Variants in COL13A1 observed in about 807,000 individuals in gnomAD.
COL13A1 encodes the protein collagen type XIII alpha 1 chain.
COL13A1 carries 89 observed loss-of-function variants against 130.9 expected under a neutral mutation model. That is an observed-to-expected ratio of 0.68 (90% confidence interval 0.57 to 0.81). The LOEUF is 0.81. COL13A1 is among the 30% of genes least tolerant of loss of function. COL13A1 has a pLI of 0.00. For synonymous variants in COL13A1, 402 were observed against 341.6 expected (o/e 1.18, Z -1.95); for missense variants, 879 against 934.6 (o/e 0.94, Z 0.78).
intron 3 of COL13A1, among the ~76,000 whole-genome samples, chr10:69,871,546 G>A (rs543518824): frequency 6.6e-6 from 1 of 152,158 alleles, no homozygotes; most frequent in African/African-American, 2.4e-5. Flanking sequence ...AGGAACAAAC[G>A]TTAGAAGGGT....
At chr10:69,938,118 C>T (rs915452811) in intron 34 of COL13A1, among the ~76,000 whole-genome samples, 18 of 152,226 alleles carry the variant, frequency 1.2e-4, no homozygotes, top group African/African-American at 4.1e-4. Context: ...CCCAAGAGAA[C>T]TCTTGCTCCC....
At chr10:69,911,913 ACCCCTCC>A (rs1193725114) in intron 17 of COL13A1, among the ~76,000 whole-genome samples, 18 of 152,228 alleles carry the variant, frequency 1.2e-4, no homozygotes, top group Admixed American at 1.2e-3. Context: ...ACCTTCCTGC[ACCCCTCC>A]GGCTCCTGTA....
intron 1 of COL13A1, among the ~76,000 whole-genome samples, chr10:69,820,592 T>C (rs1022534635): frequency 6.6e-6 from 1 of 152,232 alleles, no homozygotes; most frequent in Admixed American, 6.5e-5. Context: ...GGGGCTCATT[T>C]GTTTGCCCAG....
intron 2 of COL13A1, among the ~76,000 whole-genome samples, chr10:69,845,590 C>T (rs1852816638): frequency 6.6e-6 from 1 of 152,202 alleles, no homozygotes; most frequent in South Asian, 2.1e-4. Context: ...CCTTCCCCTC[C>T]CTCAGCCTGC....
chr10:69,953,660 T>C (rs2070048528), intron 39 of COL13A1, among the ~76,000 whole-genome samples: 1 of 152,224 alleles, frequency 6.6e-6, no homozygotes, highest in East Asian at 1.9e-4. Flanking sequence ...AAAATTATGA[T>C]GCACTAAAGT....
chr10:69,847,101 C>T (rs1435237024), intron 2 of COL13A1, among the ~76,000 whole-genome samples: 1 of 152,216 alleles, frequency 6.6e-6, no homozygotes, highest in Non-Finnish European at 1.5e-5. Flanking sequence ...TCTCTTCCTC[C>T]TCATCATAGC....
At chr10:69,873,272 A>G (rs1036227285) in intron 4 of COL13A1, among the ~76,000 whole-genome samples, 2 of 152,220 alleles carry the variant, frequency 1.3e-5, no homozygotes, top group Non-Finnish European at 2.9e-5. Flanking sequence ...GACTAATCCA[A>G]CAGCTTCTAA....
chr10:69,956,724 C>T (rs181619410), intron 39 of COL13A1: 23 of 383,140 alleles, frequency 6.0e-5, no homozygotes, highest in African/African-American at 2.0e-4. Flanking sequence ...CTTCGTGGCA[C>T]GGAAGGACAT....
At chr10:69,924,921 C>T in intron 24 of COL13A1, 42 bp from the exon 25 acceptor site, 2 of 1,545,098 alleles carry the variant, frequency 1.3e-6, no homozygotes, top group Non-Finnish European at 1.7e-6. Context: ...GCTCTCTGTA[C>T]CAACTTTATC....
chr10:69,831,658 C>T (rs961681828), intron 2 of COL13A1, among the ~76,000 whole-genome samples: 1 of 152,160 alleles, frequency 6.6e-6, no homozygotes, highest in East Asian at 1.9e-4. Context: ...GAAGGATTTG[C>T]TTTTATGCCT....
At chr10:69,848,600 G>A (rs1853795980) in intron 2 of COL13A1, among the ~76,000 whole-genome samples, 3 of 152,210 alleles carry the variant, frequency 2.0e-5, no homozygotes, top group Admixed American at 6.5e-5. Context: ...CTGAGTGAGA[G>A]CAAGAACAGC....
At position 69,918,288 on chromosome 10, in the gene COL13A1, G is replaced by T. The variant is rs752393334; in HGVS notation, c.970G>T (p.Ala324Ser). Residue 324 changes from alanine to serine, a missense_variant, in exon 19 of 41, where the codon GCG (alanine) becomes TCG (serine). Around this residue, in one of 3 missense-constraint regions of COL13A1, gnomAD observed 715 missense variants for 721.0 expected, o/e 0.99. Coordinates refer to ENST00000645393, the MANE Select transcript of COL13A1 (RefSeq NM_001368882.1). Reference protein sequence around the residue: ...GMPGKHGAKGAPGIAVAGMKG... With the variant: ...GMPGKHGAKGSPGIAVAGMKG... ...TTTTTTTTTCTCTCTCTGCCAGGGG[G>T]CGCCCGGAATTGCCGTGGCTGGGAT... 3 of 1,612,782 alleles carry T rather than the reference G, an allele frequency of 1.9e-6. No homozygotes were observed. Among genetic ancestry groups the T allele is most frequent in the Non-Finnish European group, 2.5e-6 (3 of 1,179,538 alleles).
intron 36 of COL13A1, 136 bp downstream of exon 36, chr10:69,944,314 G>T: frequency 9.1e-6 from 7 of 765,746 alleles, no homozygotes; most frequent in Non-Finnish European, 1.1e-5. Context: ...GCCTGGGACA[G>T]GGGGTGCTGG....
intron 31 of COL13A1, among the ~76,000 whole-genome samples, chr10:69,934,563 G>A (rs189868652): frequency 4.7e-4 from 71 of 152,356 alleles, no homozygotes; most frequent in African/African-American, 1.5e-3. Flanking sequence ...CCCTGAAGCC[G>A]AGGCGGGGTG....
At chr10:69,877,697 TCTCACACACACACA>T (rs1396009382) in intron 5 of COL13A1, 42 of 99,890 alleles carry the variant, frequency 4.2e-4, no homozygotes, top group East Asian at 7.3e-4. Context: ...TCTCTCTCTC[TCTCACACACACACA>T]CACACACACA....
Position 69,947,323 on chromosome 10 carries a change from C to T in COL13A1, c.2039C>T (p.Pro680Leu). The change falls in exon 38 of 41, where the codon CCC (proline) becomes CTC (leucine). Residue 680 changes from proline to leucine, a missense_variant. Physicochemically the swap from Pro to Leu is moderately conservative, Grantham distance 98. Transcript: ENST00000645393. ...AAGLPGLHGP[P>L]GDKGNRGERG... Reference sequence around the variant, plus strand: ...CTCTTGCAGGGTTTACATGGACCACCCGGGGACAAGGGAAACCGGGTGAGT... The same window carrying T: ...CTCTTGCAGGGTTTACATGGACCACTCGGGGACAAGGGAAACCGGGTGAGT... The T allele has an allele frequency of 6.2e-7, 1 of 1,613,076 alleles. No individual in the cohort carries two copies. Among genetic ancestry groups the T allele is most frequent in the African/African-American group, 1.3e-5 (1 of 74,988 alleles).
chr10:69,949,202 G>C (rs1473348736), intron 38 of COL13A1, among the ~76,000 whole-genome samples: 1 of 151,972 alleles, frequency 6.6e-6, no homozygotes, highest in Admixed American at 6.6e-5. Context: ...TTGTTTCTTC[G>C]AGACAGAGTC....
chr10:69,882,387 C>A (rs895951292), intron 7 of COL13A1, among the ~76,000 whole-genome samples: 1 of 150,018 alleles, frequency 6.7e-6, no homozygotes, highest in South Asian at 2.1e-4. Context: ...CTGCTCCTCC[C>A]GGCCTCTGCC....
chr10:69,886,031 T>G (rs989762703), intron 7 of COL13A1, among the ~76,000 whole-genome samples: 23 of 152,174 alleles, frequency 1.5e-4, no homozygotes, highest in African/African-American at 5.3e-4. Flanking sequence ...ATTCGTGGCT[T>G]CAGGGAGGAC....
Sources: allele counts gnomAD v4.1 joint callset (sites outside exome capture counted in the v4.1 genomes callset), GRCh38; gene constraint gnomAD v4.1.1; regional missense constraint gnomAD v4.1.1; transcripts MANE v1.5; gene names NCBI Gene and HGNC (gene_info 2026-07-23, HGNC 2026-07-21).